Variants in PIK3C3 observed in about 807,000 individuals in gnomAD.
PIK3C3 encodes phosphatidylinositol 3-kinase catalytic subunit type 3.
A neutral mutation model predicts 126.1 loss-of-function variants in PIK3C3; 95 were observed. That is an observed-to-expected ratio of 0.75 (90% CI 0.64 to 0.89). The LOEUF (loss-of-function observed/expected upper bound fraction) is 0.89. PIK3C3 is among the 40% of genes least tolerant of loss of function. The pLI is 0.00. For missense variants in PIK3C3, 829 were observed against 1,063.2 expected, an observed-to-expected ratio of 0.78 and a Z score of 3.06; for synonymous variants, 374 against 360.0, an observed-to-expected ratio of 1.04 and a Z score of -0.44.
chr18:41,970,619 T>C, intron 4 of PIK3C3, 163 bp downstream of exon 4: 1 of 688,784 alleles, frequency 1.5e-6, no homozygotes, highest in Non-Finnish European at 2.5e-6. Flanking sequence ...AAGTTCACCC[T>C]TGGAAAGCAT....
Position 41,960,916 on chromosome 18 carries a change from A to G in PIK3C3, c.258-1573A>G, listed in dbSNP as rs182555981. On this transcript the variant is annotated intron_variant, in intron 2 of 24. Transcript: ENST00000262039. ...ACCACCATGCCCGGCTGATTTTTGTATTTTTAGTAGAGACACGGTTTCACC... is the reference window on the plus strand; with the variant it reads ...ACCACCATGCCCGGCTGATTTTTGTGTTTTTAGTAGAGACACGGTTTCACC... 2.6e-5 allele frequency among the ~76,000 whole-genome samples: 4 copies of G among 151,940 alleles called. No homozygotes were observed. In the East Asian group the frequency reaches 5.8e-4, roughly 22 times the overall value.
At chr18:42,056,789 T>C (rs563567376) in intron 21 of PIK3C3, among the ~76,000 whole-genome samples, 1 of 152,260 alleles carries the variant, frequency 6.6e-6, no homozygotes, top group East Asian at 1.9e-4. Context: ...CATGGAAAAC[T>C]GAAATCATAG....
intron 10 of PIK3C3, among the ~76,000 whole-genome samples, chr18:42,009,684 T>A (rs191400199): frequency 1.4e-5 from 2 of 147,650 alleles, no homozygotes. Flanking sequence ...GCTTACATTA[T>A]GTAATGTACA....
intron 4 of PIK3C3, among the ~76,000 whole-genome samples, chr18:41,972,499 A>T (rs965678258): frequency 6.6e-6 from 1 of 152,088 alleles, no homozygotes; most frequent in Non-Finnish European, 1.5e-5. Flanking sequence ...ATAAAAATTA[A>T]TGAGAGTGAG....
rs1038981443 is a variant in PIK3C3 at position 42,083,634 on chromosome 18, C to T, written c.*2497C>T. On this transcript the variant is annotated 3_prime_UTR_variant, in exon 25 of 25. Coordinates refer to ENST00000262039, the MANE Select transcript of PIK3C3 (RefSeq NM_002647.4). ...GGGTATATATTATAATAACAGTCAA[C>T]ATGATGTAGGGGCTCAGTATTACAT... 15 of 152,166 alleles carry T rather than the reference C, an allele frequency of 9.9e-5. No individual in the cohort carries two copies. The highest frequency in any genetic ancestry group is 7.3e-5 in the Non-Finnish European group (5 of 68,032). 9.4% of individuals were successfully genotyped at this position (152,166 alleles called of 1,614,324 possible). A position where few individuals can be genotyped will look rare whatever the true frequency, so the allele number is the denominator to read the frequency against.
At chr18:42,049,774 G>A in intron 21 of PIK3C3, 169 bp downstream of exon 21, 1 of 487,500 alleles carries the variant, frequency 2.1e-6, no homozygotes, top group Non-Finnish European at 3.8e-6. Flanking sequence ...GGGAGTTCGA[G>A]ACCAGCCTGA....
intron 16 of PIK3C3, 90 bp downstream of exon 16, chr18:42,034,047 G>A (rs375073653): frequency 8.7e-6 from 7 of 808,780 alleles, no homozygotes; most frequent in African/African-American, 5.3e-5. Context: ...TTACATTGCA[G>A]AGATCACATC....
intron 5 of PIK3C3, among the ~76,000 whole-genome samples, chr18:41,988,817 A>C (rs1052768127): frequency 6.6e-6 from 1 of 152,172 alleles, no homozygotes; most frequent in Non-Finnish European, 1.5e-5. Flanking sequence ...ACTGGAAGGA[A>C]GCCTTTTTAA....
At chr18:41,966,907 T>C (rs1322013450) in intron 3 of PIK3C3, among the ~76,000 whole-genome samples, 3 of 152,202 alleles carry the variant, frequency 2.0e-5, no homozygotes, top group African/African-American at 4.8e-5. Context: ...GATTTTAATA[T>C]AGGTCTAAGA....
intron 13 of PIK3C3, among the ~76,000 whole-genome samples, chr18:42,024,771 TGC>T (rs2144428493): frequency 6.6e-6 from 1 of 151,994 alleles, no homozygotes; most frequent in East Asian, 1.9e-4. Flanking sequence ...TGATACTTGA[TGC>T]TTATTATGAG....
intron 4 of PIK3C3, among the ~76,000 whole-genome samples, chr18:41,975,590 G>A (rs1166918712): frequency 6.6e-6 from 1 of 151,958 alleles, no homozygotes; most frequent in Non-Finnish European, 1.5e-5. Context: ...AAGATACTTT[G>A]GAAATGTAAG....
chr18:42,067,140 CTTCTT>C (rs1203396137), intron 23 of PIK3C3, among the ~76,000 whole-genome samples: 1 of 151,988 alleles, frequency 6.6e-6, no homozygotes, highest in Non-Finnish European at 1.5e-5. Flanking sequence ...AGAAATATTT[CTTCTT>C]TTCTTTTTTC....
chr18:42,048,967 G>A (rs1984676017), intron 20 of PIK3C3, among the ~76,000 whole-genome samples: 1 of 152,128 alleles, frequency 6.6e-6, no homozygotes, highest in South Asian at 2.1e-4. Context: ...AGAATAAAAA[G>A]ATAACAGAAT....
At chr18:42,054,162 A>ATATC (rs1984945406) in intron 21 of PIK3C3, among the ~76,000 whole-genome samples, 2 of 46,656 alleles carry the variant, frequency 4.3e-5, no homozygotes, top group Admixed American at 3.7e-4. Flanking sequence ...ATATATATAT[A>ATATC]TATATATATA....
At position 41,995,884 on chromosome 18, in the gene PIK3C3, T is replaced by C. The variant is rs759773803; in HGVS notation, c.787-6T>C. The C allele has an allele frequency of 2.5e-6, 4 of 1,594,728 alleles. No homozygotes were observed. In the African/African-American group the frequency reaches 4.0e-5, roughly 16 times the overall value. On this transcript the variant is annotated splice_region_variant and splice_polypyrimidine_tract_variant and intron_variant, in intron 7 of 24. Coordinates refer to ENST00000262039, the MANE Select transcript of PIK3C3 (RefSeq NM_002647.4). ...TACATTGTCAATATTTTAAAATAAT[T>C]TGTAGGAGAATTTAGTTGAGAGCAA... is the stretch of plus-strand genomic sequence containing the variant.
rs1218797663 is a variant in PIK3C3 at position 42,084,710 on chromosome 18, C to T, written c.*3573C>T. The T allele has an allele frequency of 4.6e-5, 7 of 151,948 alleles. No individual in the cohort carries two copies. The highest frequency in any genetic ancestry group is 1.7e-4 in the African/African-American group (7 of 41,370). The allele number at this position is 151,948 out of a possible 1,614,324, so 9.4% of individuals were successfully genotyped here. A position where few individuals can be genotyped will look rare whatever the true frequency, so the allele number is the denominator to read the frequency against. Reference sequence around the variant, plus strand: ...GCATCCGATAAGTGGCTGCACTAGACCACAGGAACCAGACTCCACTGTAAG... The same window carrying T: ...GCATCCGATAAGTGGCTGCACTAGATCACAGGAACCAGACTCCACTGTAAG... On this transcript the variant is annotated 3_prime_UTR_variant, in exon 25 of 25. Coordinates refer to ENST00000262039, the MANE Select transcript of PIK3C3 (RefSeq NM_002647.4).
chr18:42,009,784 A>G (rs1441143204), intron 10 of PIK3C3, among the ~76,000 whole-genome samples: 1 of 151,988 alleles, frequency 6.6e-6, no homozygotes. Flanking sequence ...TGTAAGCATT[A>G]TGTCTAGAAA....
intron 10 of PIK3C3, among the ~76,000 whole-genome samples, chr18:42,010,001 C>A (rs1037841515): frequency 6.6e-6 from 1 of 152,110 alleles, no homozygotes; most frequent in Non-Finnish European, 1.5e-5. Context: ...CACCCATTGA[C>A]TCTTTTTTTC....
intron 13 of PIK3C3, among the ~76,000 whole-genome samples, chr18:42,024,956 ACTG>A (rs1983492529): frequency 6.6e-6 from 1 of 151,882 alleles, no homozygotes; most frequent in African/African-American, 2.4e-5. Context: ...GGCACCCGCC[ACTG>A]TGCCCGGCTA....
Sources: gnomAD v4.1 joint callset for allele counts (sites outside exome capture counted in the v4.1 genomes callset) on GRCh38, gnomAD v4.1.1 for gene constraint, MANE v1.5 for transcripts, NCBI Gene and HGNC (gene_info 2026-07-23, HGNC 2026-07-21) for gene names.